ANAPC4: variants seen among roughly 807,000 people sequenced by gnomAD.
ANAPC4 encodes anaphase promoting complex subunit 4.
Under a neutral mutation model 119.8 loss-of-function variants are expected in ANAPC4, and 63 were observed. The ratio of observed to expected loss-of-function variants is 0.53; its 90% CI spans 0.43 to 0.65. ANAPC4 has a LOEUF of 0.65. Among genes scored for constraint, ANAPC4 ranks in the 30% least tolerant of loss-of-function variants. The pLI is 0.00. For synonymous variants in ANAPC4, 283 were observed against 318.6 expected (o/e 0.89, Z 1.19); for missense variants, 716 against 945.1 (o/e 0.76, Z 3.18).
chr4:25,378,859 G>A (rs1369576945), intron 2 of ANAPC4, among the ~76,000 whole-genome samples: 1 of 152,170 alleles, frequency 6.6e-6, no homozygotes, highest in Non-Finnish European at 1.5e-5. Flanking sequence ...AGGCATGGTT[G>A]GGTTTAACCA....
rs1723205210 is a variant in ANAPC4, at chr4:25,405,604, TC to T, written c.1305del (p.Glu436SerfsTer2). 1 of 1,613,592 alleles carries T rather than the reference TC, an allele frequency of 6.2e-7. No individual in the cohort carries two copies. The highest frequency in any genetic ancestry group is 8.5e-7 in the Non-Finnish European group (1 of 1,179,744). Reference protein sequence around the residue: ...MLRMTEDHVLPELNKMTQKDI... With the variant: ...MLRMTEDHVLXELNKMTQKDI... ...TGAGAATGACAGAAGACCATGTGCT[TC>T]CCGAGCTGAATAAGGTAGTATGTAC... On this transcript the variant is annotated frameshift_variant, in exon 18 of 29. Transcript: ENST00000315368. LOFTEE classifies it high-confidence loss of function. The surrounding 1 kb of genome is among the most constrained non-coding windows in gnomAD (Gnocchi z 4.6).
At chr4:25,414,231 C>T (rs1447029235) in intron 22 of ANAPC4, 93 bp from the exon 23 acceptor site, 9 of 877,834 alleles carry the variant, frequency 1.0e-5, no homozygotes, top group Non-Finnish European at 1.5e-5. Context: ...GATTTTTTTA[C>T]CACATTCGAA....
At chr4:25,382,652 A>T (rs539590091) in intron 3 of ANAPC4, among the ~76,000 whole-genome samples, 3 of 152,216 alleles carry the variant, frequency 2.0e-5, no homozygotes, top group Non-Finnish European at 2.9e-5. Flanking sequence ...GGATTGGTTC[A>T]CATCTGGCAA....
chr4:25,409,204 A>G (rs1308950174), intron 20 of ANAPC4, among the ~76,000 whole-genome samples: 1 of 152,240 alleles, frequency 6.6e-6, no homozygotes, highest in Non-Finnish European at 1.5e-5. Flanking sequence ...CAACTGCCAT[A>G]GAGTATATTG....
intron 2 of ANAPC4, 58 bp from the exon 3 acceptor site, chr4:25,380,316 T>C (rs1238673695): frequency 5.0e-6 from 7 of 1,401,800 alleles, no homozygotes; most frequent in Non-Finnish European, 6.9e-6. Context: ...GATCTAGGTT[T>C]ATTTTATTTT....
chr4:25,388,936 G>T, intron 7 of ANAPC4, 54 bp downstream of exon 7: 1 of 1,403,554 alleles, frequency 7.1e-7, no homozygotes, highest in Non-Finnish European at 9.9e-7. Flanking sequence ...CATATTTGAG[G>T]CAGTTTTCAG....
intron 16 of ANAPC4, among the ~76,000 whole-genome samples, chr4:25,397,403 C>G (rs1722718484): frequency 6.6e-6 from 1 of 152,140 alleles, no homozygotes; most frequent in Non-Finnish European, 1.5e-5. Flanking sequence ...CAGCCTGCAG[C>G]TGTGGTCCAG....
At chr4:25,400,198 T>C (rs776828488) in intron 16 of ANAPC4, among the ~76,000 whole-genome samples, 3 of 152,126 alleles carry the variant, frequency 2.0e-5, no homozygotes, top group Non-Finnish European at 4.4e-5. Context: ...CTTTTTATCT[T>C]GGGAAGAACT....
chr4:25,387,031 T>C (rs1457943122), intron 4 of ANAPC4, among the ~76,000 whole-genome samples: 5 of 152,128 alleles, frequency 3.3e-5, no homozygotes, highest in African/African-American at 1.2e-4. Context: ...ATTTATATCA[T>C]CTGGAACTTT....
chr4:25,394,791 C>T (rs60735339), intron 13 of ANAPC4, 38 bp from the exon 14 acceptor site: 81,977 of 1,596,782 alleles, frequency 0.051, 2,627 homozygotes, highest in African/African-American at 0.12. Context: ...ATATAATATC[C>T]TGATTGTATG....
rs183799881 is a variant in ANAPC4 at position 25,405,214 on chromosome 4, A to G, written c.1271-359A>G. ...CTTTGGTATCATAAGGCTTTGGAGG[A>G]AAAAATGGCTTGCAGATTTTAAGAG... is the stretch of plus-strand genomic sequence containing the variant. On this transcript the variant is annotated intron_variant, in intron 17 of 28. Transcript: ENST00000315368. The surrounding 1 kb of genome is among the most constrained non-coding windows in gnomAD (Gnocchi z 4.6). 1.3e-5 allele frequency among the ~76,000 whole-genome samples: 2 copies of G among 152,082 alleles called. No individual in the cohort carries two copies. The highest frequency in any genetic ancestry group is 2.9e-5 in the Non-Finnish European group (2 of 67,984).
chr4:25,410,247 G>A (rs993313371), intron 21 of ANAPC4, among the ~76,000 whole-genome samples: 17 of 152,092 alleles, frequency 1.1e-4, no homozygotes, highest in Admixed American at 2.0e-4. Flanking sequence ...TGTTAATACC[G>A]TAAAGCTATC....
At chr4:25,408,815 A>T (rs956874114) in intron 20 of ANAPC4, among the ~76,000 whole-genome samples, 1 of 152,144 alleles carries the variant, frequency 6.6e-6, no homozygotes, top group Non-Finnish European at 1.5e-5. Flanking sequence ...TGCTTTTAAC[A>T]TAAGTGCTTT....
rs749197099 is a variant in ANAPC4 at position 25,416,499 on chromosome 4, G to A, written c.1976G>A (p.Arg659His). The change falls in exon 27 of 29, where the codon CGT becomes CAT. Residue 659 changes from arginine (R) to histidine (H), a missense_variant. This residue lies in a region of ANAPC4 where 504 missense variants were observed against 615.8 expected (regional missense o/e 0.82). Coordinates refer to ENST00000315368, the MANE Select transcript of ANAPC4 (RefSeq NM_013367.3). ...VTVVLKDTVG[R>H]EGRDRLLVQL... is the part of the protein sequence containing the mutation. ...GTAGTTCTTAAAGACACTGTAGGACGTGAAGGAAGAGATAGACTCTTGGTC... is the reference window on the plus strand; with the variant it reads ...GTAGTTCTTAAAGACACTGTAGGACATGAAGGAAGAGATAGACTCTTGGTC... The A allele has an allele frequency of 2.5e-5, 40 of 1,607,396 alleles. 1 individual carries two copies. Among genetic ancestry groups the A allele is most frequent in the South Asian group, 1.4e-4 (13 of 90,290 alleles).
chr4:25,387,414 T>C (rs140550963), intron 4 of ANAPC4, among the ~76,000 whole-genome samples: 2 of 152,328 alleles, frequency 1.3e-5, no homozygotes, highest in African/African-American at 4.8e-5. Context: ...ATGACAAGGG[T>C]TTGACCTGGG....
At chr4:25,396,543 C>G (rs1722663043) in intron 14 of ANAPC4, 121 bp from the exon 15 acceptor site, 2 of 754,274 alleles carry the variant, frequency 2.7e-6, no homozygotes, top group East Asian at 5.2e-5. Flanking sequence ...ATAATTATTT[C>G]TCATGGAAAC....
chr4:25,405,534 T>C lies in ANAPC4; in HGVS notation c.1271-39T>C, dbSNP rs185131960. 122 of 1,565,700 alleles carry C rather than the reference T, an allele frequency of 7.8e-5. No individual in the cohort carries two copies. Among genetic ancestry groups the C allele is most frequent in the Non-Finnish European group, 7.2e-5 (82 of 1,136,702 alleles). On this transcript the variant is annotated intron_variant, in intron 17 of 28. Coordinates refer to ENST00000315368, the MANE Select transcript of ANAPC4 (RefSeq NM_013367.3). The surrounding 1 kb of genome is among the most constrained non-coding windows in gnomAD (Gnocchi z 4.6). Reference sequence around the variant, plus strand: ...TTTATAATTAAAATTATGTTTGTAGTTTGCTTTTAAAGATAGTTTTTTAAC... The same window carrying C: ...TTTATAATTAAAATTATGTTTGTAGCTTGCTTTTAAAGATAGTTTTTTAAC...
chr4:25,393,480 G>A (rs1722466279), intron 10 of ANAPC4, among the ~76,000 whole-genome samples: 1 of 151,992 alleles, frequency 6.6e-6, no homozygotes, highest in Non-Finnish European at 1.5e-5. Flanking sequence ...TGGCCAACAT[G>A]GTAAAGCCCC....
At chr4:25,382,798 G>A (rs1310261212) in intron 3 of ANAPC4, among the ~76,000 whole-genome samples, 1 of 152,178 alleles carries the variant, frequency 6.6e-6, no homozygotes, top group African/African-American at 2.4e-5. Flanking sequence ...CACACTCAAA[G>A]GAAGATTTAT....
Sources: allele counts gnomAD v4.1 joint callset (sites outside exome capture counted in the v4.1 genomes callset), GRCh38; gene constraint gnomAD v4.1.1; regional missense constraint gnomAD v4.1.1; non-coding constraint Gnocchi (gnomAD v3.1); transcripts MANE v1.5; gene names NCBI Gene and HGNC (gene_info 2026-07-23, HGNC 2026-07-21).